Variants in EPM2A observed in about 807,000 individuals in gnomAD.
EPM2A encodes the protein laforin.
EPM2A carries 21 observed loss-of-function variants against 26.5 expected under a neutral mutation model. The ratio of observed to expected loss-of-function variants is 0.79; its 90% CI spans 0.56 to 1.14. The LOEUF (loss-of-function observed/expected upper bound fraction) is 1.14. Ranked by LOEUF, EPM2A falls within the 50% of genes most tolerant of loss-of-function variation. EPM2A has a pLI of 0.00. For synonymous variants in EPM2A, 217 were observed against 177.6 expected (o/e 1.22, Z -1.76); for missense variants, 458 against 440.8 (o/e 1.04, Z -0.35).
intron 4 of EPM2A, among the ~76,000 whole-genome samples, chr6:145,444,820 C>G (rs1450587302): frequency 6.6e-6 from 1 of 152,174 alleles, no homozygotes; most frequent in Non-Finnish European, 1.5e-5. Flanking sequence ...ATAAGATACT[C>G]TCTTCTAACC....
chr6:145,465,202 C>T (rs1309132139), intron 4 of EPM2A, among the ~76,000 whole-genome samples: 2 of 152,002 alleles, frequency 1.3e-5, no homozygotes, highest in Non-Finnish European at 2.9e-5. Context: ...CTAAACTTCC[C>T]TTCTCGCTTC....
intron 2 of EPM2A, among the ~76,000 whole-genome samples, chr6:145,577,208 TA>T (rs1781043621): frequency 6.6e-6 from 1 of 151,984 alleles, no homozygotes; most frequent in Non-Finnish European, 1.5e-5. Context: ...GTAAATGGAC[TA>T]AATTCTCCAA....
intron 4 of EPM2A, among the ~76,000 whole-genome samples, chr6:145,403,739 C>T (rs565798290): frequency 1.2e-4 from 18 of 152,152 alleles, no homozygotes; most frequent in African/African-American, 4.1e-4. Flanking sequence ...GTGCAGCTAG[C>T]TCTTTAATAT....
intron 2 of EPM2A, among the ~76,000 whole-genome samples, chr6:145,572,663 C>T (rs897889057): frequency 1.3e-5 from 2 of 152,156 alleles, no homozygotes; most frequent in Non-Finnish European, 2.9e-5. Context: ...CCTAGAGGCC[C>T]CTGCTGCGAT....
At chr6:145,711,648 G>A (rs956510206) in intron 1 of EPM2A, among the ~76,000 whole-genome samples, 2 of 152,126 alleles carry the variant, frequency 1.3e-5, no homozygotes, top group African/African-American at 4.8e-5. Context: ...TAAGAGTAGT[G>A]TGCAGATAAA....
intron 2 of EPM2A, among the ~76,000 whole-genome samples, chr6:145,538,595 C>A: frequency 6.6e-6 from 1 of 152,186 alleles, no homozygotes; most frequent in East Asian, 1.9e-4. Flanking sequence ...TAATAGCTGA[C>A]AAAGGCACAG....
chr6:145,540,355 T>G (rs955607750), intron 2 of EPM2A, among the ~76,000 whole-genome samples: 3 of 152,220 alleles, frequency 2.0e-5, no homozygotes, highest in Admixed American at 2.0e-4. Context: ...CAGCTTGGGT[T>G]GAGCCAAAAT....
At chr6:145,548,598 T>C (rs1646885934) in intron 2 of EPM2A, among the ~76,000 whole-genome samples, 1 of 152,076 alleles carries the variant, frequency 6.6e-6, no homozygotes, top group Non-Finnish European at 1.5e-5. Flanking sequence ...CATGGGAAGA[T>C]GGGAAACAAG....
intron 2 of EPM2A, among the ~76,000 whole-genome samples, chr6:145,560,013 C>A (rs1476546690): frequency 6.6e-6 from 1 of 152,084 alleles, no homozygotes; most frequent in Non-Finnish European, 1.5e-5. Context: ...GCAATAATAA[C>A]AGGAAGGCAA....
intron 4 of EPM2A, among the ~76,000 whole-genome samples, chr6:145,458,575 C>A (rs1409981835): frequency 9.9e-5 from 15 of 152,112 alleles, no homozygotes; most frequent in Admixed American, 9.8e-4. Flanking sequence ...TGTAGCTGAA[C>A]CCCTAGTTTA....
At chr6:145,442,218 CTA>C (rs1174365536) in intron 4 of EPM2A, among the ~76,000 whole-genome samples, 1 of 152,196 alleles carries the variant, frequency 6.6e-6, no homozygotes, top group Non-Finnish European at 1.5e-5. Context: ...TCTGAGCTCT[CTA>C]AACTGTTCCA....
chr6:145,507,261 T>C (rs1404793293), intron 2 of EPM2A, among the ~76,000 whole-genome samples: 1 of 152,194 alleles, frequency 6.6e-6, no homozygotes. Context: ...CTCGGCCACT[T>C]GGAAACAGCA....
At chr6:145,684,800 A>T (rs958128015) in intron 2 of EPM2A, 3 of 86,786 alleles carry the variant, frequency 3.5e-5, no homozygotes, top group African/African-American at 1.7e-4. Context: ...AAGTGGCAAC[A>T]CCATTACAGT....
At chr6:145,605,250 A>G (rs1775212355) in intron 2 of EPM2A, among the ~76,000 whole-genome samples, 1 of 152,184 alleles carries the variant, frequency 6.6e-6, no homozygotes, top group Admixed American at 6.5e-5. Context: ...TCAAATTCCA[A>G]CAACAATTTC....
chr6:145,571,661 G>A (rs1323131974), intron 2 of EPM2A, among the ~76,000 whole-genome samples: 2 of 152,168 alleles, frequency 1.3e-5, no homozygotes, highest in Non-Finnish European at 2.9e-5. Flanking sequence ...GCTCAGTGTT[G>A]GTCTCTGCTG....
intron 2 of EPM2A, among the ~76,000 whole-genome samples, chr6:145,676,572 A>G (rs1332826990): frequency 3.3e-5 from 5 of 152,096 alleles, no homozygotes; most frequent in African/African-American, 1.2e-4. Context: ...ACAAATAGAC[A>G]CAACAAAAAA....
chr6:145,693,827 C>A (rs9497396), intron 1 of EPM2A, among the ~76,000 whole-genome samples: 80,861 of 151,742 alleles, frequency 0.53, 22,174 homozygotes, highest in East Asian at 0.67. Context: ...TTCTTCAGAA[C>A]AGTTTTAGCT....
At chr6:145,564,534 A>T (rs1319372656) in intron 2 of EPM2A, among the ~76,000 whole-genome samples, 1 of 152,214 alleles carries the variant, frequency 6.6e-6, no homozygotes, top group Non-Finnish European at 1.5e-5. Flanking sequence ...CCACTGTATG[A>T]TCAGTTAGCT....
chr6:145,605,202 CT>C (rs1394679773), intron 2 of EPM2A, among the ~76,000 whole-genome samples: 1 of 152,124 alleles, frequency 6.6e-6, no homozygotes, highest in African/African-American at 2.4e-5. Context: ...TGAGAGTCAG[CT>C]TAGAGTTTCC....
Sources: gnomAD v4.1 joint callset for allele counts (sites outside exome capture counted in the v4.1 genomes callset) on GRCh38, gnomAD v4.1.1 for gene constraint, MANE v1.5 for transcripts, NCBI Gene and HGNC (gene_info 2026-07-23, HGNC 2026-07-21) for gene names.